NAALADL2: variants seen among roughly 807,000 people sequenced by gnomAD.
The protein encoded by NAALADL2 is inactive N-acetylated-alpha-linked acidic dipeptidase-like protein 2.
In NAALADL2, 76 loss-of-function variants were observed where a neutral mutation model predicts 87.2. The observed-to-expected ratio is 0.87, with a 90% CI of 0.72 to 1.05. The LOEUF (loss-of-function observed/expected upper bound fraction) is 1.05, where lower values mean the gene tolerates loss of function less well. Ranked by LOEUF, NAALADL2 falls within the 50% of genes least tolerant of loss-of-function variation. NAALADL2 has a pLI of 0.00. For missense variants in NAALADL2, 1,089 were observed against 945.8 expected, an observed-to-expected ratio of 1.15 and a Z score of -1.99; for synonymous variants, 354 against 331.0, an observed-to-expected ratio of 1.07 and a Z score of -0.75.
intron 1 of NAALADL2, among the ~76,000 whole-genome samples, chr3:174,492,797 GA>G (rs1718287150): frequency 6.6e-6 from 1 of 152,178 alleles, no homozygotes; most frequent in Non-Finnish European, 1.5e-5. Context: ...TTGATCTTAT[GA>G]AATTGCAGAG....
chr3:175,000,891 G>T (rs1212748967), intron 1 of NAALADL2, among the ~76,000 whole-genome samples: 5 of 152,172 alleles, frequency 3.3e-5, no homozygotes, highest in Admixed American at 6.6e-5. Flanking sequence ...AGGCCAAGTG[G>T]TTTGTTGAAG....
intron 1 of NAALADL2, among the ~76,000 whole-genome samples, chr3:174,965,903 G>C (rs146223517): frequency 9.9e-5 from 15 of 152,190 alleles, no homozygotes; most frequent in African/African-American, 3.4e-4. Flanking sequence ...GAGGGGTCCT[G>C]GGGATTTGAT....
chr3:174,561,888 A>G (rs1055374250), intron 2 of NAALADL2, among the ~76,000 whole-genome samples: 6 of 152,218 alleles, frequency 3.9e-5, no homozygotes, highest in Non-Finnish European at 2.9e-5. Context: ...GACTTAAAGT[A>G]TAGCTCTTCA....
intron 2 of NAALADL2, among the ~76,000 whole-genome samples, chr3:174,632,948 A>G (rs1359094277): frequency 1.3e-5 from 2 of 151,226 alleles, no homozygotes; most frequent in African/African-American, 2.4e-5. Context: ...AAAAAAAAAA[A>G]AAAAAAAAAG....
chr3:174,691,437 C>CA (rs71759755), intron 2 of NAALADL2, among the ~76,000 whole-genome samples: 8,866 of 148,330 alleles, frequency 0.06, 369 homozygotes, highest in African/African-American at 0.12. Flanking sequence ...ATAAAACCCA[C>CA]AAAAAAAAAA....
chr3:175,038,216 A>G (rs894760337), intron 1 of NAALADL2, among the ~76,000 whole-genome samples: 1 of 152,154 alleles, frequency 6.6e-6, no homozygotes, highest in Non-Finnish European at 1.5e-5. Flanking sequence ...AATGAAACAT[A>G]TTTATTTGCT....
At chr3:175,174,843 GACACAC>G (rs139298739) in intron 2 of NAALADL2, among the ~76,000 whole-genome samples, 98,488 of 150,544 alleles carry the variant, frequency 0.65, 34,423 homozygotes, top group Non-Finnish European at 0.78. Context: ...CATGCACACA[GACACAC>G]ACACACACAC....
intron 2 of NAALADL2, among the ~76,000 whole-genome samples, chr3:174,637,365 G>A (rs1722748737): frequency 1.3e-5 from 2 of 151,988 alleles, no homozygotes; most frequent in Admixed American, 1.3e-4. Context: ...TGAATACTTG[G>A]TTGATGGATA....
At position 175,597,861 on chromosome 3, in the gene NAALADL2, A is replaced by G. The variant is rs114777265; in HGVS notation, c.1800+21674A>G. Among the ~76,000 whole-genome samples the G allele has an allele frequency of 4.8e-3, 729 of 152,150 alleles. 4 individuals are homozygous for G. Among genetic ancestry groups the G allele is most frequent in the Non-Finnish European group, 7.5e-3 (509 of 67,902 alleles). On this transcript the variant is annotated intron_variant, in intron 10 of 13. Coordinates refer to ENST00000454872, the MANE Select transcript of NAALADL2 (RefSeq NM_207015.3). The stretch of plus-strand genomic sequence containing the variant: ...TAGAGTTTGCACAGTTTCTAGCATA[A>G]TGCTCCATAAACTTCAGGCATGATT...
At chr3:175,295,733 A>ACACG (rs1293585277) in intron 4 of NAALADL2, among the ~76,000 whole-genome samples, 1 of 151,416 alleles carries the variant, frequency 6.6e-6, no homozygotes. Flanking sequence ...ACACACACAC[A>ACACG]CACACACACA....
chr3:175,779,959 A>G (rs1750790094), intron 13 of NAALADL2, among the ~76,000 whole-genome samples: 1 of 152,148 alleles, frequency 6.6e-6, no homozygotes, highest in Admixed American at 6.5e-5. Context: ...AGGGGACAAA[A>G]AAATTTAGAA....
intron 1 of NAALADL2, among the ~76,000 whole-genome samples, chr3:174,905,229 A>G (rs569839552): frequency 9.1e-4 from 137 of 150,306 alleles, no homozygotes; most frequent in African/African-American, 3.1e-3. Flanking sequence ...AACCTATTCA[A>G]TGATTATGCG....
chr3:174,605,742 C>G (rs1021282633), intron 2 of NAALADL2, among the ~76,000 whole-genome samples: 2 of 150,340 alleles, frequency 1.3e-5, no homozygotes, highest in Non-Finnish European at 3.0e-5. Flanking sequence ...GGGCAGGGCA[C>G]AGACAAAAAA....
intron 7 of NAALADL2, among the ~76,000 whole-genome samples, chr3:175,466,460 A>T (rs1349726843): frequency 1.3e-5 from 2 of 152,112 alleles, no homozygotes; most frequent in African/African-American, 4.8e-5. Flanking sequence ...GATATTGGTG[A>T]ATTTTATTTT....
rs182833022 is a variant in NAALADL2, at chr3:175,466,201, G to A, written c.1328-778G>A. 3.0e-4 allele frequency among the ~76,000 whole-genome samples: 46 copies of A among 152,254 alleles called. 1 individual carries two copies. In the East Asian group the frequency reaches 8.9e-3, roughly 29 times the overall value. ...AATGAAGAAAAATTTTTGCACAGAT[G>A]TATGAAGATACTTGCTCAGATAAAT... On this transcript the variant is annotated intron_variant, in intron 7 of 13. Coordinates refer to ENST00000454872, the MANE Select transcript of NAALADL2 (RefSeq NM_207015.3).
intron 1 of NAALADL2, among the ~76,000 whole-genome samples, chr3:175,017,873 G>A (rs994699390): frequency 2.0e-5 from 3 of 152,064 alleles, no homozygotes; most frequent in Non-Finnish European, 4.4e-5. Flanking sequence ...CAGCTTTTGA[G>A]ACACATTTGC....
chr3:174,734,277 T>C (rs562226942), intron 2 of NAALADL2, among the ~76,000 whole-genome samples: 1 of 152,214 alleles, frequency 6.6e-6, no homozygotes, highest in Non-Finnish European at 1.5e-5. Flanking sequence ...CTGAATTATG[T>C]GTGTGTATAG....
At chr3:175,299,090 G>A (rs192454248) in intron 4 of NAALADL2, among the ~76,000 whole-genome samples, 85 of 152,236 alleles carry the variant, frequency 5.6e-4, no homozygotes, top group Middle Eastern at 6.8e-3. Context: ...TAGATGTGGT[G>A]TTATTTCTGA....
At chr3:174,445,286 C>T (rs983146299) in intron 1 of NAALADL2, among the ~76,000 whole-genome samples, 6 of 151,930 alleles carry the variant, frequency 3.9e-5, no homozygotes, top group Admixed American at 6.6e-5. Flanking sequence ...TTATCAGACA[C>T]GCAAAGGTAG....
Sources: allele counts gnomAD v4.1 joint callset (sites outside exome capture counted in the v4.1 genomes callset), GRCh38; gene constraint gnomAD v4.1.1; transcripts MANE v1.5; gene names NCBI Gene and HGNC (gene_info 2026-07-23, HGNC 2026-07-21).